The following DGKB variants were observed in gnomAD, a reference collection of about 807,000 sequenced individuals.
DGKB encodes 90 kDa diacylglycerol kinase.
Under a neutral mutation model 114.3 loss-of-function variants are expected in DGKB, and 67 were observed. The ratio of observed to expected loss-of-function variants is 0.59; its 90% confidence interval spans 0.48 to 0.72. DGKB has a LOEUF of 0.72. Among genes scored for constraint, DGKB ranks in the 30% least tolerant of loss-of-function variants. The pLI is 0.00. For synonymous variants in DGKB, 398 were observed against 323.1 expected, an observed-to-expected ratio of 1.23 and a Z score of -2.49; for missense variants, 907 against 975.2, an observed-to-expected ratio of 0.93 and a Z score of 0.93.
At chr7:14,953,359 TA>T (rs1477331972) in intron 1 of DGKB, among the ~76,000 whole-genome samples, 1 of 152,026 alleles carries the variant, frequency 6.6e-6, no homozygotes, top group East Asian at 1.9e-4. Context: ...AACTCAATAA[TA>T]AAAGACTGAT....
In DGKB at chr7:14,723,026, T is replaced by TTCA. The variant is rs1554621652; in HGVS notation, c.323-4342_323-4341insTGA. ...ATTTATTTATTTATTTATTTATTCA[T>TTCA]TTTTTTTTCTTTTGCCCTTTCCCTA... On this transcript the variant is annotated intron_variant, in intron 5 of 25. Coordinates refer to ENST00000402815, the MANE Select transcript of DGKB (RefSeq NM_001350709.2). Among the ~76,000 whole-genome samples the TTCA allele has an allele frequency of 1.3e-4, 18 of 143,564 alleles. No individual in the cohort carries two copies. The East Asian group carries it at 1.7e-3, about 14-fold the overall frequency. The allele number at this position is 143,564 out of a possible 152,430, so 94.2% of individuals were successfully genotyped here.
chr7:14,732,401 C>T (rs1027260326), intron 5 of DGKB, among the ~76,000 whole-genome samples: 15 of 152,024 alleles, frequency 9.9e-5, no homozygotes, highest in Non-Finnish European at 1.9e-4. Context: ...CCTCGTTATA[C>T]ATTAGATAAC....
At chr7:14,480,214 A>T (rs992823256) in intron 20 of DGKB, among the ~76,000 whole-genome samples, 1 of 152,024 alleles carries the variant, frequency 6.6e-6, no homozygotes, top group Non-Finnish European at 1.5e-5. Context: ...AACTCCTAGA[A>T]ACACAGGACT....
At chr7:14,596,136 G>C (rs1802539884) in intron 17 of DGKB, among the ~76,000 whole-genome samples, 1 of 152,114 alleles carries the variant, frequency 6.6e-6, no homozygotes, top group South Asian at 2.1e-4. Context: ...AAACATGCCT[G>C]CTTGTTGTAG....
At chr7:14,670,501 AC>A (rs1214487062) in intron 13 of DGKB, among the ~76,000 whole-genome samples, 14 of 151,930 alleles carry the variant, frequency 9.2e-5, no homozygotes, top group Middle Eastern at 6.3e-3. Flanking sequence ...ATGGGGTTTC[AC>A]CATGTTGGCC....
At chr7:14,820,828 A>T (rs1844822697) in intron 2 of DGKB, among the ~76,000 whole-genome samples, 1 of 152,144 alleles carries the variant, frequency 6.6e-6, no homozygotes, top group Non-Finnish European at 1.5e-5. Flanking sequence ...GAACTTTGAA[A>T]AATTCTGCAG....
intron 12 of DGKB, among the ~76,000 whole-genome samples, chr7:14,674,887 A>G (rs1819585599): frequency 6.6e-6 from 1 of 152,072 alleles, no homozygotes; most frequent in Non-Finnish European, 1.5e-5. Context: ...TAGCCTCCAG[A>G]GCTATGAGTG....
At chr7:14,265,714 T>G (rs1043579774) in intron 23 of DGKB, among the ~76,000 whole-genome samples, 1 of 152,168 alleles carries the variant, frequency 6.6e-6, no homozygotes, top group African/African-American at 2.4e-5. Flanking sequence ...ACTGTGTCTG[T>G]TTTTCAATAT....
intron 21 of DGKB, among the ~76,000 whole-genome samples, chr7:14,391,447 T>C (rs1821284868): frequency 6.6e-6 from 1 of 150,700 alleles, no homozygotes; most frequent in Non-Finnish European, 1.5e-5. Flanking sequence ...TTTGAGAGGC[T>C]GAGGCAGGTG....
Position 14,747,695 on chromosome 7 carries a change from A to G in DGKB, c.168+6233T>C, listed in dbSNP as rs554379046. Among the ~76,000 whole-genome samples, 4 of 152,174 alleles carry G rather than the reference A, an allele frequency of 2.6e-5. No homozygotes were observed. In the South Asian group the frequency reaches 8.3e-4, roughly 32 times the overall value. On this transcript the variant is annotated intron_variant, in intron 4 of 25. Transcript: ENST00000402815. ...CATTTATATGCATATCAATGAAGCC[A>G]TTAATGATACAAATTGGGTCAGACT...
chr7:14,650,057 A>G (rs1303244674), intron 13 of DGKB, among the ~76,000 whole-genome samples: 2 of 152,008 alleles, frequency 1.3e-5, no homozygotes, highest in Non-Finnish European at 2.9e-5. Flanking sequence ...GGAGACTTTA[A>G]CACCCCACTG....
chr7:14,556,867 T>C (rs1487408576), intron 20 of DGKB, among the ~76,000 whole-genome samples: 1 of 152,228 alleles, frequency 6.6e-6, no homozygotes, highest in South Asian at 2.1e-4. Flanking sequence ...AACTTTCCCT[T>C]TTAATCTGCA....
At chr7:14,669,180 C>A (rs1015232051) in intron 13 of DGKB, among the ~76,000 whole-genome samples, 1 of 152,132 alleles carries the variant, frequency 6.6e-6, no homozygotes. Flanking sequence ...GCCATTGTTG[C>A]CCCTCAACAC....
chr7:14,690,967 C>A (rs542087391), intron 9 of DGKB, among the ~76,000 whole-genome samples: 1 of 152,100 alleles, frequency 6.6e-6, no homozygotes, highest in Non-Finnish European at 1.5e-5. Flanking sequence ...CATTTCTGAC[C>A]CATTCATCTT....
At chr7:14,600,010 A>C (rs1176839791) in intron 17 of DGKB, among the ~76,000 whole-genome samples, 2 of 152,196 alleles carry the variant, frequency 1.3e-5, no homozygotes, top group Non-Finnish European at 1.5e-5. Flanking sequence ...AATAACTGAA[A>C]CTGGATAATT....
intron 21 of DGKB, among the ~76,000 whole-genome samples, chr7:14,431,839 C>T (rs528343511): frequency 6.6e-6 from 1 of 152,010 alleles, no homozygotes; most frequent in Non-Finnish European, 1.5e-5. Context: ...AATAGCCCCT[C>T]ATATGCAATA....
intron 20 of DGKB, among the ~76,000 whole-genome samples, chr7:14,555,506 T>C (rs1795746248): frequency 6.6e-6 from 1 of 152,116 alleles, no homozygotes. Flanking sequence ...AATATATAAA[T>C]TAATTTGGGC....
intron 21 of DGKB, among the ~76,000 whole-genome samples, chr7:14,357,351 T>C (rs1039212319): frequency 5.3e-5 from 8 of 152,218 alleles, no homozygotes; most frequent in Admixed American, 5.2e-4. Flanking sequence ...CATTACGTAA[T>C]GGCCTTCTTT....
intron 23 of DGKB, among the ~76,000 whole-genome samples, chr7:14,313,422 T>G (rs1747815051): frequency 6.6e-6 from 1 of 151,990 alleles, no homozygotes; most frequent in Non-Finnish European, 1.5e-5. Flanking sequence ...GTGCGCACAG[T>G]GCGCGAGCCG....
Sources: allele counts gnomAD v4.1 joint callset (sites outside exome capture counted in the v4.1 genomes callset), GRCh38; gene constraint gnomAD v4.1.1; transcripts MANE v1.5; gene names NCBI Gene and HGNC (gene_info 2026-07-23, HGNC 2026-07-21).